The following TBX20 variants were observed in gnomAD, a reference collection of about 807,000 sequenced individuals.
TBX20 encodes T-box transcription factor TBX20.
TBX20 carries 8 observed loss-of-function variants against 42.9 expected under a neutral mutation model. The observed-to-expected ratio is 0.19, with a 90% CI of 0.11 to 0.34. TBX20 has a LOEUF of 0.34. TBX20 is among the 10% of genes least tolerant of loss of function. The probability of loss-of-function intolerance (pLI) is 1.00; values close to 1 mark genes in which losing one functional copy is unlikely to be tolerated. For synonymous variants in TBX20, 198 were observed against 222.8 expected (o/e 0.89, Z 0.99); for missense variants, 411 against 566.0 (o/e 0.73, Z 2.78).
At chr7:35,243,463 A>G (rs1224336155) in intron 4 of TBX20, among the ~76,000 whole-genome samples, 1 of 152,186 alleles carries the variant, frequency 6.6e-6, no homozygotes, top group Non-Finnish European at 1.5e-5. Flanking sequence ...TGGACAATGG[A>G]TCTCAAAATG....
rs1790278184 is a variant in TBX20 at position 35,250,195 on chromosome 7, C to A, written c.136G>T (p.Val46Leu). ...GGCTGGGCACAGGACGACTTCTCCA[C>A]AAATTGCTCTGGAGGTAAAGAGAAT... ...ENTIKPLEQF[V>L]EKSSCAQPLG... Residue 46 changes from valine (V) to leucine (L), a missense_variant, in exon 2 of 8, where the codon GTG becomes TTG. Val to Leu is a conservative substitution (Grantham distance 32, BLOSUM62 1). Around this residue, in one of 5 missense-constraint regions of TBX20, gnomAD observed 114 missense variants for 128.0 expected, o/e 0.89. Coordinates refer to ENST00000408931, the MANE Select transcript of TBX20 (RefSeq NM_001077653.2). 1.9e-6 allele frequency: 3 copies of A among 1,614,074 alleles called. No individual in the cohort carries two copies. Among genetic ancestry groups the A allele is most frequent in the African/African-American group, 2.7e-5 (2 of 75,036 alleles).
chr7:35,248,747 T>C lies in TBX20; in HGVS notation c.475A>G (p.Arg159Gly). The C allele has an allele frequency of 6.2e-7, 1 of 1,614,040 alleles. No homozygotes were observed. Among genetic ancestry groups the C allele is most frequent in the Non-Finnish European group, 8.5e-7 (1 of 1,179,998 alleles). ...GACCGGTGGTAGGCGTAGCGGTACCTCTTGTTGTCCACAGGGACGATGTCC... is the reference window on the plus strand; with the variant it reads ...GACCGGTGGTAGGCGTAGCGGTACCCCTTGTTGTCCACAGGGACGATGTCC... ...LMDIVPVDNK[R>G]YRYAYHRSSW... The change falls in exon 3 of 8, where the codon AGG (arginine) becomes GGG (glycine). Residue 159 changes from arginine to glycine, a missense_variant. By Grantham distance (125) the Arg-to-Gly change is moderately radical. Around this residue, in one of 5 missense-constraint regions of TBX20, gnomAD observed 121 missense variants for 165.9 expected, o/e 0.73. Transcript: ENST00000408931.
intron 6 of TBX20, among the ~76,000 whole-genome samples, chr7:35,208,474 G>T (rs545904754): frequency 1.3e-5 from 2 of 152,104 alleles, no homozygotes; most frequent in African/African-American, 4.8e-5. Flanking sequence ...CAGGCACAGT[G>T]GTTCACGCCT....
At chr7:35,223,638 GC>G (rs1361959429) in intron 6 of TBX20, among the ~76,000 whole-genome samples, 1 of 152,198 alleles carries the variant, frequency 6.6e-6, no homozygotes, top group African/African-American at 2.4e-5. Context: ...CTGCTGACAG[GC>G]CAAGGAAGAT....
chr7:35,238,096 C>G (rs949829846), intron 5 of TBX20, among the ~76,000 whole-genome samples: 1 of 152,100 alleles, frequency 6.6e-6, no homozygotes, highest in African/African-American at 2.4e-5. Context: ...CTCAATTACC[C>G]CAACTGTACG....
intron 6 of TBX20, among the ~76,000 whole-genome samples, chr7:35,216,071 T>C (rs546969371): frequency 1.3e-4 from 20 of 152,336 alleles, no homozygotes; most frequent in African/African-American, 4.8e-4. Flanking sequence ...ATGGCAATTA[T>C]ACGTTTTCAG....
intron 5 of TBX20, 97 bp downstream of exon 5, chr7:35,240,782 A>G (rs1266755887): frequency 9.5e-6 from 11 of 1,160,760 alleles, no homozygotes; most frequent in African/African-American, 1.5e-5. Flanking sequence ...GTGAACATCC[A>G]TTTTGAGTAC....
Position 35,227,876 on chromosome 7 carries a change from CGGAT to C in TBX20, c.890+3624_890+3627del, listed in dbSNP as rs111588052. ...TGGGATGATGAAAACATTCTGGAAA[CGGAT>C]AGCAGTGATGGTTATGTGACATCAT... On this transcript the variant is annotated intron_variant, in intron 6 of 7. Coordinates refer to ENST00000408931, the MANE Select transcript of TBX20 (RefSeq NM_001077653.2). 5.1e-4 allele frequency among the ~76,000 whole-genome samples: 77 copies of C among 152,094 alleles called. 1 individual carries two copies. The highest frequency in any genetic ancestry group is 1.6e-3 in the African/African-American group (66 of 41,520).
chr7:35,242,744 C>A (rs1304724891), intron 4 of TBX20, among the ~76,000 whole-genome samples: 1 of 152,114 alleles, frequency 6.6e-6, no homozygotes, highest in East Asian at 1.9e-4. Flanking sequence ...TCTGCTCAAG[C>A]CCTCCTGTGA....
intron 7 of TBX20, 140 bp from the exon 8 acceptor site, chr7:35,202,910 G>A (rs930977676): frequency 2.0e-6 from 3 of 1,470,262 alleles, no homozygotes; most frequent in Non-Finnish European, 1.8e-6. Flanking sequence ...TATGAGATCT[G>A]TCACGAGGCA....
At chr7:35,231,437 G>A in intron 6 of TBX20, 67 bp downstream of exon 6, 1 of 1,062,092 alleles carries the variant, frequency 9.4e-7, no homozygotes, top group Non-Finnish European at 1.5e-6. Context: ...AAAGGAGTGT[G>A]TTGTTACAAA....
intron 6 of TBX20, among the ~76,000 whole-genome samples, chr7:35,217,783 C>T (rs752495418): frequency 3.7e-4 from 56 of 152,102 alleles, no homozygotes; most frequent in Middle Eastern, 3.4e-3. Context: ...TGCAATGGAA[C>T]GATCTTGGCT....
At chr7:35,227,747 C>G (rs1402931931) in intron 6 of TBX20, among the ~76,000 whole-genome samples, 1 of 151,934 alleles carries the variant, frequency 6.6e-6, no homozygotes, top group Admixed American at 6.6e-5. Flanking sequence ...CATGAGGTAC[C>G]CAGACTAGAT....
chr7:35,243,738 A>G lies in TBX20; in HGVS notation c.654+1211T>C, dbSNP rs149757873. On this transcript the variant is annotated intron_variant, in intron 4 of 7. Coordinates refer to ENST00000408931, the MANE Select transcript of TBX20 (RefSeq NM_001077653.2). ...AAATTATGCCAATAACCTTAAAGATAAAGATCAACTATCTTTCTTTTTCAA... is the reference window on the plus strand; with the variant it reads ...AAATTATGCCAATAACCTTAAAGATGAAGATCAACTATCTTTCTTTTTCAA... 2.6e-5 allele frequency among the ~76,000 whole-genome samples: 4 copies of G among 152,324 alleles called. No individual in the cohort carries two copies. The East Asian group carries it at 7.7e-4, about 29-fold the overall frequency.
intron 3 of TBX20, among the ~76,000 whole-genome samples, chr7:35,248,371 T>G (rs1403928000): frequency 2.0e-5 from 3 of 152,208 alleles, no homozygotes; most frequent in Admixed American, 1.3e-4. Context: ...TGTCTATATT[T>G]ATATTTATAC....
intron 7 of TBX20, among the ~76,000 whole-genome samples, chr7:35,203,539 T>A (rs980664603): frequency 6.6e-6 from 1 of 152,226 alleles, no homozygotes; most frequent in African/African-American, 2.4e-5. Context: ...TCTTAATAAC[T>A]TTTTCTCTAG....
intron 5 of TBX20, among the ~76,000 whole-genome samples, chr7:35,234,074 A>T (rs1789917399): frequency 6.6e-6 from 1 of 152,244 alleles, no homozygotes; most frequent in South Asian, 2.1e-4. Context: ...AAAAGTAAAC[A>T]GGCTTGCCAA....
At chr7:35,243,922 C>CT (rs1014488561) in intron 4 of TBX20, among the ~76,000 whole-genome samples, 1 of 152,200 alleles carries the variant, frequency 6.6e-6, no homozygotes, top group African/African-American at 2.4e-5. Context: ...TATTTAGTTC[C>CT]AGGTTTAATC....
chr7:35,203,496 A>T (rs1432647777), intron 7 of TBX20, among the ~76,000 whole-genome samples: 1 of 151,846 alleles, frequency 6.6e-6, no homozygotes, highest in African/African-American at 2.4e-5. Context: ...CTTCCACTTA[A>T]GGAATAGTAA....
Sources: allele counts gnomAD v4.1 joint callset (sites outside exome capture counted in the v4.1 genomes callset), GRCh38; gene constraint gnomAD v4.1.1; regional missense constraint gnomAD v4.1.1; transcripts MANE v1.5; gene names NCBI Gene and HGNC (gene_info 2026-07-23, HGNC 2026-07-21).